The following ARHGEF10 variants were observed in gnomAD, a reference collection of about 807,000 sequenced individuals.
ARHGEF10 encodes the protein Rho guanine nucleotide exchange factor (GEF) 10.
In ARHGEF10, 140 loss-of-function variants were observed where a neutral mutation model predicts 147.4. That is an observed-to-expected ratio of 0.95 (90% CI 0.83 to 1.09). The LOEUF is 1.09. Among genes scored for constraint, ARHGEF10 ranks in the 50% least tolerant of loss-of-function variants. The pLI, the probability that ARHGEF10 is intolerant of heterozygous loss-of-function variation, is 0.00. For synonymous variants in ARHGEF10, 902 were observed against 695.8 expected (o/e 1.30, Z -4.67); for missense variants, 2,222 against 1,752.7 (o/e 1.27, Z -4.78).
intron 8 of ARHGEF10, among the ~76,000 whole-genome samples, chr8:1,879,087 A>T (rs1807957537): frequency 6.6e-6 from 1 of 152,222 alleles, no homozygotes. Context: ...ATAAAACTAT[A>T]TGTTGTTCAA....
In ARHGEF10 at chr8:1,888,086, TAG is replaced by T. The variant is rs1252503183; in HGVS notation, c.1182+2380_1182+2381del. 7.9e-4 allele frequency among the ~76,000 whole-genome samples: 105 copies of T among 132,738 alleles called. 2 individuals are homozygous for T. Among genetic ancestry groups the T allele is most frequent in the African/African-American group, 1.1e-3 (37 of 33,970 alleles). The allele number at this position is 132,738 out of a possible 152,430, so 87.1% of individuals were successfully genotyped here. ...GGGATGAGGGTTTATGAGGAGACAC[TAG>T]GTAGGGTGAATGTTTTGAGGAGACA... On this transcript the variant is annotated intron_variant, in intron 11 of 28. Transcript: ENST00000349830.
chr8:1,903,394 T>C lies in ARHGEF10; in HGVS notation c.1764T>C (p.Asp588=), dbSNP rs768413224. ...TAAATGAAAGAAAGAGAGATGCTGA[T>C]CAACGCTGTGAAGTGAAGCAAATAG... ...EKLNERKRDA[D]QRCEVKQIAK... The change falls in exon 16 of 29, where the codon GAT becomes GAC. Residue 588 remains aspartate (D), a synonymous_variant. Transcript: ENST00000349830. The C allele has an allele frequency of 6.2e-7, 1 of 1,614,186 alleles. No homozygotes were observed. Among genetic ancestry groups the C allele is most frequent in the South Asian group, 1.1e-5 (1 of 91,088 alleles).
intron 27 of ARHGEF10, chr8:1,945,900 G>A (rs1246489674): frequency 1.5e-6 from 1 of 688,632 alleles, no homozygotes. Flanking sequence ...GAGGAGCCGC[G>A]TGCTGGGAGG....
At chr8:1,926,553 A>G in intron 23 of ARHGEF10, 90 bp downstream of exon 23, 1 of 1,251,050 alleles carries the variant, frequency 8.0e-7, no homozygotes, top group East Asian at 2.3e-5. Context: ...TGAATTGCTC[A>G]GTAGAGAGTT....
chr8:1,901,608 A>T (rs13258241), intron 15 of ARHGEF10, among the ~76,000 whole-genome samples: 1 of 152,162 alleles, frequency 6.6e-6, no homozygotes, highest in African/African-American at 2.4e-5. Context: ...TCCTTCCCTG[A>T]GCCTCCTTGG....
chr8:1,890,120 G>C (rs1295972700), intron 11 of ARHGEF10, among the ~76,000 whole-genome samples: 2 of 129,556 alleles, frequency 1.5e-5, no homozygotes, highest in Non-Finnish European at 3.2e-5. Context: ...CGTGTGAGTT[G>C]TGAGAAAACG....
At chr8:1,918,605 A>C (rs1425930526) in intron 18 of ARHGEF10, among the ~76,000 whole-genome samples, 1 of 152,180 alleles carries the variant, frequency 6.6e-6, no homozygotes, top group Non-Finnish European at 1.5e-5. Flanking sequence ...GGAATGGCTA[A>C]ATCAAGCTAA....
chr8:1,890,633 G>A (rs960865441), intron 11 of ARHGEF10, among the ~76,000 whole-genome samples: 5 of 133,160 alleles, frequency 3.8e-5, no homozygotes, highest in African/African-American at 1.5e-4. Context: ...GACACTGAGT[G>A]CAGTGAGGGT....
At chr8:1,840,861 T>C (rs995818186) in intron 1 of ARHGEF10, among the ~76,000 whole-genome samples, 1 of 152,062 alleles carries the variant, frequency 6.6e-6, no homozygotes, top group African/African-American at 2.4e-5. Context: ...GCCTCACGGG[T>C]GCTGCTGGGG....
At chr8:1,824,892 C>G (rs1445024400) in intron 1 of ARHGEF10, among the ~76,000 whole-genome samples, 1 of 32,918 alleles carries the variant, frequency 3.0e-5, no homozygotes, top group Non-Finnish European at 5.6e-5. Flanking sequence ...ACCAGTTCCC[C>G]GCACCCCGTG....
rs144739200 is a variant in ARHGEF10, at chr8:1,878,956, G to A, written c.844-1092G>A. 3.7e-3 allele frequency among the ~76,000 whole-genome samples: 568 copies of A among 152,316 alleles called. 5 individuals are homozygous for A. The highest frequency in any genetic ancestry group is 0.013 in the African/African-American group (537 of 41,568). On this transcript the variant is annotated intron_variant, in intron 8 of 28. Coordinates refer to ENST00000349830, the MANE Select transcript of ARHGEF10 (RefSeq NM_014629.4). ...TGCCAGGACAGTGGCCTGGACCGGG[G>A]GTGGGAATACTGTGTGGGGTGCAGA...
At chr8:1,934,028 C>G in intron 26 of ARHGEF10, 86 bp downstream of exon 26, 1 of 1,580,510 alleles carries the variant, frequency 6.3e-7, no homozygotes, top group Non-Finnish European at 8.7e-7. Flanking sequence ...GTCAAGGCTT[C>G]TTGCCTGTGG....
intron 15 of ARHGEF10, among the ~76,000 whole-genome samples, chr8:1,898,778 G>T (rs571046064): frequency 1.4e-4 from 22 of 152,196 alleles, no homozygotes; most frequent in Admixed American, 3.9e-4. Context: ...CTGCGGGGAG[G>T]GGTGTTGTGG....
At chr8:1,853,394 C>G (rs1462092310) in intron 2 of ARHGEF10, among the ~76,000 whole-genome samples, 1 of 152,270 alleles carries the variant, frequency 6.6e-6, no homozygotes, top group Non-Finnish European at 1.5e-5. Flanking sequence ...TGCAGATTCC[C>G]CAACAGCTTT....
At chr8:1,921,038 G>A (rs908864995) in intron 18 of ARHGEF10, among the ~76,000 whole-genome samples, 8 of 152,200 alleles carry the variant, frequency 5.3e-5, no homozygotes, top group African/African-American at 1.9e-4. Flanking sequence ...CTCCTGCCTT[G>A]GTCTCCCAAA....
At chr8:1,880,577 C>T (rs944313772) in intron 9 of ARHGEF10, among the ~76,000 whole-genome samples, 1 of 152,114 alleles carries the variant, frequency 6.6e-6, no homozygotes, top group East Asian at 1.9e-4. Context: ...AATTTTTCAG[C>T]GTTTTAACTT....
At position 1,888,211 on chromosome 8, in the gene ARHGEF10, G is replaced by GGTGAGGGTTT. The variant is rs1563234030; in HGVS notation, c.1182+2505_1182+2506insTGAGGGTTTG. Among the ~76,000 whole-genome samples, 10 of 60,842 alleles carry GGTGAGGGTTT rather than the reference G, an allele frequency of 1.6e-4. 2 individuals are homozygous for GGTGAGGGTTT. The highest frequency in any genetic ancestry group is 5.9e-4 in the South Asian group (1 of 1,692). 39.9% of individuals were successfully genotyped at this position (60,842 alleles called of 152,430 possible). ...GGGTTTGCGAGGAGACACTTAGTGGGGCGAGGGTTGCGAGGAGACAGTGAG... is the reference window on the plus strand; with the variant it reads ...GGGTTTGCGAGGAGACACTTAGTGGGGTGAGGGTTTGCGAGGGTTGCGAGGAGACAGTGAG... On this transcript the variant is annotated intron_variant, in intron 11 of 28. Transcript: ENST00000349830.
chr8:1,841,110 C>G (rs1040963979), intron 1 of ARHGEF10, among the ~76,000 whole-genome samples: 1 of 152,266 alleles, frequency 6.6e-6, no homozygotes, highest in African/African-American at 2.4e-5. Context: ...CCGCCCTCAG[C>G]TGTAGCCTTC....
rs1563161347 is a variant in ARHGEF10, at chr8:1,841,836, AC to A, written c.-47-1516del. Among the ~76,000 whole-genome samples, 112 of 74,702 alleles carry A rather than the reference AC, an allele frequency of 1.5e-3. 1 individual carries two copies. Among genetic ancestry groups the A allele is most frequent in the Admixed American group, 9.3e-3 (69 of 7,392 alleles). The allele number at this position is 74,702 out of a possible 152,430, so 49.0% of individuals were successfully genotyped here. On this transcript the variant is annotated intron_variant, in intron 1 of 28. Coordinates refer to ENST00000349830, the MANE Select transcript of ARHGEF10 (RefSeq NM_014629.4). ...GGCCGCGGCGGGAACTGGGGCCGCG[AC>A]GGGAACTGGGGCCGCGGCGGGAACT...
Sources: gnomAD v4.1 joint callset for allele counts (sites outside exome capture counted in the v4.1 genomes callset) on GRCh38, gnomAD v4.1.1 for gene constraint, MANE v1.5 for transcripts, NCBI Gene and HGNC (gene_info 2026-07-23, HGNC 2026-07-21) for gene names.